The following SYNJ1 variants were observed in gnomAD, a reference collection of about 807,000 sequenced individuals.
The protein encoded by SYNJ1 is synaptojanin 1, also known as polyphosphatidylinositol phosphatase SYNJ1.
In SYNJ1, 78 loss-of-function variants were observed where a neutral mutation model predicts 168.2. The observed-to-expected ratio is 0.46, with a 90% CI of 0.39 to 0.56. The LOEUF is 0.56. SYNJ1 is among the 20% of genes least tolerant of loss of function. The probability of loss-of-function intolerance (pLI) is 0.00; values close to 1 mark genes in which losing one functional copy is unlikely to be tolerated. For missense variants in SYNJ1, 1,303 were observed against 1,597.6 expected, an observed-to-expected ratio of 0.82 and a Z score of 3.14; for synonymous variants, 539 against 548.6, an observed-to-expected ratio of 0.98 and a Z score of 0.24.
chr21:32,639,181 T>C, intron 30 of SYNJ1, 56 bp from the exon 31 acceptor site: 2 of 1,498,040 alleles, frequency 1.3e-6, no homozygotes, highest in East Asian at 2.3e-5. Context: ...CATGTTTTTT[T>C]CCTTCTTTAG....
At chr21:32,688,427 T>A in intron 6 of SYNJ1, 60 bp from the exon 7 acceptor site, 2 of 1,329,592 alleles carry the variant, frequency 1.5e-6, no homozygotes, top group Non-Finnish European at 2.1e-6. Flanking sequence ...GAAAGAAATA[T>A]CACTGCTTAC....
At position 32,639,530 on chromosome 21, in the gene SYNJ1, C is replaced by CTGT. The variant is rs1404640679; in HGVS notation, c.3697+140_3697+141insACA. The CTGT allele has an allele frequency of 1.4e-5, 9 of 660,354 alleles. No individual in the cohort carries two copies. The Admixed American group carries it at 2.4e-4, about 18-fold the overall frequency. 40.9% of individuals were successfully genotyped at this position (660,354 alleles called of 1,614,324 possible). ...CCTTAGCCGCCCGAGTAGCTGGGAC[C>CTGT]ACAGGCATGTGCCATCACCCCTGGC... On this transcript the variant is annotated intron_variant, in intron 30 of 32. Coordinates refer to ENST00000674351, the MANE Select transcript of SYNJ1 (RefSeq NM_203446.3).
At chr21:32,635,011 T>A (rs2039503208) in intron 31 of SYNJ1, 127 bp from the exon 32 acceptor site, 8 of 905,706 alleles carry the variant, frequency 8.8e-6, no homozygotes, top group Admixed American at 2.1e-5. Flanking sequence ...AGCAGCAATA[T>A]TTGCAGGTTG....
chr21:32,716,491 G>A (rs555434690), intron 2 of SYNJ1, among the ~76,000 whole-genome samples: 41 of 152,140 alleles, frequency 2.7e-4, no homozygotes, highest in Non-Finnish European at 5.0e-4. Flanking sequence ...AATGTCCTCT[G>A]GCTTGGATTG....
chr21:32,663,082 G>A (rs2040779946), intron 18 of SYNJ1, among the ~76,000 whole-genome samples: 1 of 152,210 alleles, frequency 6.6e-6, no homozygotes, highest in Non-Finnish European at 1.5e-5. Context: ...AGCCAAGCAT[G>A]TAGCCTAGTC....
intron 2 of SYNJ1, among the ~76,000 whole-genome samples, chr21:32,704,976 T>C (rs889811915): frequency 5.3e-5 from 8 of 151,956 alleles, no homozygotes; most frequent in African/African-American, 9.7e-5. Flanking sequence ...GGTGAAACCC[T>C]GTCTCTACGA....
At chr21:32,651,280 G>A (rs992210877) in intron 22 of SYNJ1, among the ~76,000 whole-genome samples, 2 of 152,224 alleles carry the variant, frequency 1.3e-5, no homozygotes, top group African/African-American at 4.8e-5. Flanking sequence ...GAACTGTGTA[G>A]CTGTGATCAA....
At chr21:32,661,381 C>G (rs1040711726) in intron 18 of SYNJ1, among the ~76,000 whole-genome samples, 1 of 152,062 alleles carries the variant, frequency 6.6e-6, no homozygotes, top group African/African-American at 2.4e-5. Context: ...CACAGAAATG[C>G]CAAAATGTGA....
intron 24 of SYNJ1, 60 bp downstream of exon 24, chr21:32,646,333 T>C: frequency 1.3e-6 from 2 of 1,533,972 alleles, no homozygotes; most frequent in Non-Finnish European, 9.0e-7. Flanking sequence ...ACGATGACTC[T>C]CCAACATCAA....
intron 1 of SYNJ1, among the ~76,000 whole-genome samples, chr21:32,727,639 G>T (rs944260832): frequency 1.1e-4 from 17 of 152,138 alleles, no homozygotes; most frequent in African/African-American, 4.1e-4. Context: ...AGACGGAAGA[G>T]CCGAGCAGCC....
At chr21:32,638,463 G>A (rs112924573) in intron 31 of SYNJ1, among the ~76,000 whole-genome samples, 2 of 152,310 alleles carry the variant, frequency 1.3e-5, no homozygotes, top group South Asian at 4.1e-4. Context: ...TTGGGAGACT[G>A]AGGTGGGCAG....
At chr21:32,676,039 T>C (rs2041394338) in intron 13 of SYNJ1, among the ~76,000 whole-genome samples, 1 of 152,204 alleles carries the variant, frequency 6.6e-6, no homozygotes, top group Non-Finnish European at 1.5e-5. Flanking sequence ...TAATATTTGT[T>C]CAATGAAATG....
At chr21:32,634,798 T>G in intron 32 of SYNJ1, 63 bp downstream of exon 32, 1 of 1,557,420 alleles carries the variant, frequency 6.4e-7, no homozygotes, top group Non-Finnish European at 8.8e-7. Flanking sequence ...GAAGCAGAGA[T>G]TCATACATCT....
intron 2 of SYNJ1, among the ~76,000 whole-genome samples, chr21:32,721,620 A>T (rs1354120154): frequency 6.6e-6 from 1 of 152,072 alleles, no homozygotes. Context: ...CGGAGGCTGT[A>T]GTGAGTCAAG....
intron 17 of SYNJ1, 34 bp from the exon 18 acceptor site, chr21:32,665,105 ACAAT>A (rs1250650265): frequency 6.4e-7 from 1 of 1,561,464 alleles, no homozygotes; most frequent in Non-Finnish European, 8.7e-7. Context: ...TAAATTCAAA[ACAAT>A]CAATGTTCAA....
chr21:32,645,639 T>A lies in SYNJ1; in HGVS notation c.3391+7A>T, dbSNP rs960646750. ...ATCTAGCAGAAATGGAAATAAAAGG[T>A]TGTCACCTGAAGGCGGAGGAGGTCT... On this transcript the variant is annotated splice_region_variant and intron_variant, in intron 25 of 32. Transcript: ENST00000674351. The A allele has an allele frequency of 6.6e-7, 1 of 1,525,714 alleles. No individual in the cohort carries two copies. The highest frequency in any genetic ancestry group is 8.7e-7 in the Non-Finnish European group (1 of 1,143,570). 94.5% of individuals were successfully genotyped at this position (1,525,714 alleles called of 1,614,324 possible).
intron 3 of SYNJ1, among the ~76,000 whole-genome samples, chr21:32,701,669 C>A (rs2042406961): frequency 6.6e-6 from 1 of 151,976 alleles, no homozygotes; most frequent in Non-Finnish European, 1.5e-5. Context: ...ACTGAATCAA[C>A]AAAAAGGAGA....
In SYNJ1 at chr21:32,631,768, C is replaced by G; in HGVS notation, c.*37G>C. On this transcript the variant is annotated 3_prime_UTR_variant, in exon 33 of 33. Coordinates refer to ENST00000674351, the MANE Select transcript of SYNJ1 (RefSeq NM_203446.3). The stretch of plus-strand genomic sequence containing the variant: ...AATGGGTCAATCTTTAATGGTGATT[C>G]TCTTTTGCCATCAGAGATTCCATTT... The G allele has an allele frequency of 6.2e-7, 1 of 1,612,968 alleles. No individual in the cohort carries two copies. The highest frequency in any genetic ancestry group is 1.3e-5 in the African/African-American group (1 of 74,988).
intron 2 of SYNJ1, 60 bp downstream of exon 2, chr21:32,726,712 C>G (rs2043470151): frequency 5.6e-6 from 9 of 1,593,430 alleles, no homozygotes; most frequent in East Asian, 2.3e-5. Flanking sequence ...ATGGTTGCAT[C>G]TGAATTGTTT....
Sources: gnomAD v4.1 joint callset for allele counts (sites outside exome capture counted in the v4.1 genomes callset) on GRCh38, gnomAD v4.1.1 for gene constraint, MANE v1.5 for transcripts, NCBI Gene and HGNC (gene_info 2026-07-23, HGNC 2026-07-21) for gene names.